The following MACROD2 variants were observed in gnomAD, a reference collection of about 807,000 sequenced individuals.
MACROD2 encodes ADP-ribose glycohydrolase MACROD2.
Under a neutral mutation model 70.4 loss-of-function variants are expected in MACROD2, and 36 were observed. The observed-to-expected ratio is 0.51, with a 90% CI of 0.39 to 0.68. The LOEUF (loss-of-function observed/expected upper bound fraction) is 0.68, where lower values mean the gene tolerates loss of function less well. Among genes scored for constraint, MACROD2 ranks in the 30% least tolerant of loss-of-function variants. The pLI is 0.00. For missense variants in MACROD2, 496 were observed against 538.4 expected, an observed-to-expected ratio of 0.92 and a Z score of 0.78; for synonymous variants, 172 against 178.8, an observed-to-expected ratio of 0.96 and a Z score of 0.30.
chr20:14,611,737 T>C (rs1166897279), intron 4 of MACROD2, among the ~76,000 whole-genome samples: 1 of 152,122 alleles, frequency 6.6e-6, no homozygotes, highest in East Asian at 1.9e-4. Context: ...TGTAGGATTC[T>C]TATCTTAAAT....
intron 8 of MACROD2, among the ~76,000 whole-genome samples, chr20:15,536,100 C>T (rs980595722): frequency 1.1e-4 from 17 of 152,172 alleles, no homozygotes; most frequent in African/African-American, 2.7e-4. Context: ...GCCTTCCACA[C>T]GATACCGTTC....
chr20:15,230,339 G>T (rs773604645), intron 6 of MACROD2, among the ~76,000 whole-genome samples: 8 of 151,960 alleles, frequency 5.3e-5, no homozygotes, highest in Non-Finnish European at 1.2e-4. Context: ...ACTTTCTTTT[G>T]GAGAAAGTAA....
intron 7 of MACROD2, among the ~76,000 whole-genome samples, chr20:15,498,454 T>C (rs1416776312): frequency 6.6e-6 from 1 of 152,110 alleles, no homozygotes; most frequent in African/African-American, 2.4e-5. Context: ...GAAGATATCC[T>C]CATAGACAAG....
intron 8 of MACROD2, among the ~76,000 whole-genome samples, chr20:15,796,105 A>G (rs557865278): frequency 5.9e-4 from 90 of 152,320 alleles, no homozygotes; most frequent in Admixed American, 1.2e-3. Context: ...AAGGGAAGCA[A>G]TTTGGGATAG....
intron 3 of MACROD2, among the ~76,000 whole-genome samples, chr20:14,118,586 C>T (rs2054542532): frequency 6.6e-6 from 1 of 152,178 alleles, no homozygotes. Context: ...AGGCAGCTCC[C>T]TAGAACTATG....
intron 10 of MACROD2, among the ~76,000 whole-genome samples, chr20:15,905,971 G>C (rs1275033951): frequency 6.6e-6 from 1 of 152,200 alleles, no homozygotes; most frequent in Non-Finnish European, 1.5e-5. Flanking sequence ...ATTCTCCGTA[G>C]ACAGAAAATG....
intron 5 of MACROD2, among the ~76,000 whole-genome samples, chr20:15,086,174 A>G (rs1237958693): frequency 1.3e-5 from 2 of 152,198 alleles, no homozygotes; most frequent in African/African-American, 4.8e-5. Context: ...AATTAAAAAA[A>G]TTATTCAAGC....
At chr20:15,847,563 A>ATTAAGC (rs1188009547) in intron 8 of MACROD2, among the ~76,000 whole-genome samples, 2 of 152,230 alleles carry the variant, frequency 1.3e-5, no homozygotes, top group Admixed American at 1.3e-4. Context: ...CCACTGCAGC[A>ATTAAGC]TTTAGCGTCA....
At chr20:16,031,065 C>A (rs1025559851) in intron 15 of MACROD2, among the ~76,000 whole-genome samples, 3 of 151,646 alleles carry the variant, frequency 2.0e-5, no homozygotes, top group African/African-American at 7.3e-5. Flanking sequence ...TTTAATGTAT[C>A]TTAAAGAAAA....
intron 8 of MACROD2, among the ~76,000 whole-genome samples, chr20:15,598,873 G>T (rs2048779946): frequency 6.6e-6 from 1 of 152,110 alleles, no homozygotes; most frequent in South Asian, 2.1e-4. Flanking sequence ...ATTAGTCATT[G>T]TTTACGTGAA....
rs1298431652 is a variant in MACROD2 at position 15,261,724 on chromosome 20, T to C, written c.540+31663T>C. On this transcript the variant is annotated intron_variant, in intron 6 of 17. Coordinates refer to ENST00000684519, the MANE Select transcript of MACROD2 (RefSeq NM_001351661.2). ...CATGTAAATTTGAACAATATTATAT[T>C]GTGAAGCTGATTGGGCCTGGAGGTT... 2.0e-5 allele frequency among the ~76,000 whole-genome samples: 3 copies of C among 151,988 alleles called. No homozygotes were observed. The East Asian group carries it at 5.8e-4, about 29-fold the overall frequency.
intron 4 of MACROD2, among the ~76,000 whole-genome samples, chr20:14,581,364 CTT>C (rs1981007942): frequency 6.6e-6 from 1 of 152,214 alleles, no homozygotes; most frequent in Non-Finnish European, 1.5e-5. Flanking sequence ...TTGTAAATCT[CTT>C]TACCTGATTC....
At chr20:14,512,620 T>C (rs2085043415) in intron 4 of MACROD2, among the ~76,000 whole-genome samples, 1 of 152,122 alleles carries the variant, frequency 6.6e-6, no homozygotes, top group South Asian at 2.1e-4. Context: ...GATAAAGCAG[T>C]GTGCAGATTC....
At chr20:15,177,526 GC>G (rs138821567) in intron 5 of MACROD2, among the ~76,000 whole-genome samples, 4,372 of 152,158 alleles carry the variant, frequency 0.029, 118 homozygotes, top group Middle Eastern at 0.071. Flanking sequence ...CTCATTCATC[GC>G]CATTGAATCT....
intron 2 of MACROD2, among the ~76,000 whole-genome samples, chr20:14,015,624 A>G (rs954579911): frequency 2.6e-5 from 4 of 152,324 alleles, no homozygotes; most frequent in African/African-American, 9.6e-5. Context: ...CCATTAAACA[A>G]TATCTACACT....
chr20:14,266,696 CA>C (rs1296203241), intron 3 of MACROD2, among the ~76,000 whole-genome samples: 3 of 152,058 alleles, frequency 2.0e-5, no homozygotes, highest in African/African-American at 7.2e-5. Flanking sequence ...GTCTCTAGCA[CA>C]AATTGAAGAT....
intron 8 of MACROD2, among the ~76,000 whole-genome samples, chr20:15,621,340 T>C (rs1555849694): frequency 6.6e-6 from 1 of 152,194 alleles, no homozygotes; most frequent in East Asian, 1.9e-4. Flanking sequence ...TAACTAGCCA[T>C]AGCACAAGGT....
At position 14,852,432 on chromosome 20, in the gene MACROD2, A is replaced by G. The variant is rs1333322183; in HGVS notation, c.418+167473A>G. ...TGCAGTGGGCAAAGGATGAAGTAAA[A>G]GGGGAAGAGGGTGACATGAAAGTTG... is the stretch of plus-strand genomic sequence containing the variant. On this transcript the variant is annotated intron_variant, in intron 5 of 17. Coordinates refer to ENST00000684519, the MANE Select transcript of MACROD2 (RefSeq NM_001351661.2). 1.3e-5 allele frequency among the ~76,000 whole-genome samples: 2 copies of G among 152,160 alleles called. 1 individual carries two copies. The highest frequency in any genetic ancestry group is 3.9e-4 in the East Asian group (2 of 5,190).
intron 3 of MACROD2, among the ~76,000 whole-genome samples, chr20:14,386,852 G>A (rs1327365444): frequency 1.3e-5 from 2 of 152,148 alleles, no homozygotes; most frequent in African/African-American, 4.8e-5. Flanking sequence ...TGTCTCCTTT[G>A]CTTCAAATGC....
Sources: gnomAD v4.1 joint callset for allele counts (sites outside exome capture counted in the v4.1 genomes callset) on GRCh38, gnomAD v4.1.1 for gene constraint, MANE v1.5 for transcripts, NCBI Gene and HGNC (gene_info 2026-07-23, HGNC 2026-07-21) for gene names.